LRRC75A: variants seen among roughly 807,000 people sequenced by gnomAD.
LRRC75A encodes the protein leucine rich repeat containing 75A, also known as leucine-rich repeat-containing protein 75A.
LRRC75A carries 12 observed loss-of-function variants against 26.0 expected under a neutral mutation model. The ratio of observed to expected loss-of-function variants is 0.46; its 90% confidence interval spans 0.30 to 0.75. LRRC75A has a LOEUF of 0.75. Among genes scored for constraint, LRRC75A ranks in the 30% least tolerant of loss-of-function variants. LRRC75A has a pLI of 0.08. For synonymous variants in LRRC75A, 223 were observed against 219.3 expected, an observed-to-expected ratio of 1.02 and a Z score of -0.15; for missense variants, 410 against 486.6, an observed-to-expected ratio of 0.84 and a Z score of 1.48.
chr17:16,485,040 A>C (rs1304399295), intron 1 of LRRC75A, among the ~76,000 whole-genome samples: 2 of 149,742 alleles, frequency 1.3e-5, no homozygotes, highest in Non-Finnish European at 3.0e-5. Flanking sequence ...GGGGGTAGGG[A>C]GGAGAGCAGG....
At chr17:16,477,028 G>T (rs536507554) in intron 1 of LRRC75A, among the ~76,000 whole-genome samples, 1 of 152,148 alleles carries the variant, frequency 6.6e-6, no homozygotes, top group African/African-American at 2.4e-5. Flanking sequence ...GTGAGCCACT[G>T]CGCCCGGCCA....
In LRRC75A at chr17:16,462,687, G is replaced by GCCTCCTGC. The variant is rs2093737300; in HGVS notation, c.247-302_247-301insGCAGGAGG. ...TCTCTCTGGTTTTCCAGAGGAGGAA[G>GCCTCCTGC]CCAAGGGTGGCCTGCCTCGGTGCAA... On this transcript the variant is annotated intron_variant, in intron 1 of 3. Coordinates refer to ENST00000470794, the MANE Select transcript of LRRC75A (RefSeq NM_001113567.3). This position sits in a 1 kb window ranked among gnomAD's most constrained non-coding sequence, Gnocchi z 4.6. The GCCTCCTGC allele has an allele frequency of 2.9e-6, 1 of 350,430 alleles. No individual in the cohort carries two copies. The highest frequency in any genetic ancestry group is 2.1e-5 in the African/African-American group (1 of 47,670). The allele number at this position is 350,430 out of a possible 1,614,324, so 21.7% of individuals were successfully genotyped here.
chr17:16,457,110 A>G (rs1291420744), intron 2 of LRRC75A, among the ~76,000 whole-genome samples: 4 of 122,364 alleles, frequency 3.3e-5, no homozygotes, highest in South Asian at 4.8e-4. Context: ...GCTCTCAGCC[A>G]TCAGGCAGTG....
chr17:16,467,032 C>A (rs1601172472), intron 1 of LRRC75A, among the ~76,000 whole-genome samples: 1 of 152,196 alleles, frequency 6.6e-6, no homozygotes, highest in African/African-American at 2.4e-5. Context: ...TAGCCGTCTT[C>A]TAGAAAGTGA....
intron 2 of LRRC75A, among the ~76,000 whole-genome samples, chr17:16,451,234 C>A (rs962585608): frequency 5.3e-5 from 8 of 152,108 alleles, no homozygotes; most frequent in Admixed American, 4.6e-4. Flanking sequence ...GTTAGACCCC[C>A]ACCCAGAGGC....
intron 1 of LRRC75A, among the ~76,000 whole-genome samples, chr17:16,464,720 C>T (rs1427156722): frequency 1.3e-5 from 2 of 152,238 alleles, no homozygotes; most frequent in Non-Finnish European, 2.9e-5. Context: ...GACCTGAGCA[C>T]ACAGAGTCCA....
intron 3 of LRRC75A, among the ~76,000 whole-genome samples, chr17:16,447,537 A>G (rs751074696): frequency 2.6e-5 from 4 of 152,178 alleles, no homozygotes; most frequent in Non-Finnish European, 5.9e-5. Context: ...ACCTCAAGTG[A>G]TCCACCTGCC....
chr17:16,444,065 G>A lies in LRRC75A; in HGVS notation c.558C>T (p.Thr186=), dbSNP rs201264792. 6.7e-4 allele frequency: 1,081 copies of A among 1,613,022 alleles called. No individual in the cohort carries two copies. The highest frequency in any genetic ancestry group is 8.8e-4 in the Non-Finnish European group (1,034 of 1,179,496). The change falls in exon 4 of 4, where the codon ACC becomes ACT. Residue 186 remains threonine, a synonymous_variant. Transcript: ENST00000470794. The stretch of plus-strand genomic sequence containing the variant: ...TGGTCACCCGCTCCAGGTCTCGGGA[G>A]GTCAGTGGGATTCCCGACAGGTCCA... The part of the protein sequence containing the change: ...NTVDLSGIPL[T]SRDLERVTSY...
rs1168424778 is a variant in LRRC75A, at chr17:16,491,946, G to A, written c.45C>T (p.Ser15=). The change falls in exon 1 of 4, where the codon AGC becomes AGT. Residue 15 remains serine (S), a synonymous_variant. Coordinates refer to ENST00000470794, the MANE Select transcript of LRRC75A (RefSeq NM_001113567.3). This position sits in a 1 kb window ranked among gnomAD's most constrained non-coding sequence, Gnocchi z 5.9. ...QTKGSLAERA[S]PGAAPGPRRE... The stretch of plus-strand genomic sequence containing the variant: ...GTCGGGGGCCCGGCGCGGCGCCGGG[G>A]CTGGCTCTCTCCGCCAGGCTGCCCT... 8.1e-7 allele frequency: 1 copy of A among 1,238,148 alleles called. No homozygotes were observed. The highest frequency in any genetic ancestry group is 4.4e-5 in the Admixed American group (1 of 22,758). 76.7% of individuals were successfully genotyped at this position (1,238,148 alleles called of 1,614,324 possible).
intron 1 of LRRC75A, among the ~76,000 whole-genome samples, chr17:16,490,228 G>A (rs992876099): frequency 2.0e-5 from 3 of 152,200 alleles, no homozygotes; most frequent in African/African-American, 7.2e-5. Flanking sequence ...ATTGCAGGGT[G>A]GGGGAAACAG....
intron 1 of LRRC75A, among the ~76,000 whole-genome samples, chr17:16,475,980 C>G (rs918390211): frequency 1.3e-5 from 2 of 152,046 alleles, no homozygotes; most frequent in Non-Finnish European, 2.9e-5. Flanking sequence ...ATCATGAGGT[C>G]AGGAGATCTA....
In LRRC75A at chr17:16,473,150, T is replaced by C. The variant is rs369320628; in HGVS notation, c.247-10764A>G. ...TAGTCTGTGTGTGTGTGTGTGTGTG[T>C]GCGCGCGCGCCCCAAGAATAACTAA... is the stretch of plus-strand genomic sequence containing the variant. On this transcript the variant is annotated intron_variant, in intron 1 of 3. Transcript: ENST00000470794. Among the ~76,000 whole-genome samples the C allele has an allele frequency of 1.6e-3, 240 of 151,534 alleles. 1 individual carries two copies. Among genetic ancestry groups the C allele is most frequent in the East Asian group, 8.5e-3 (44 of 5,158 alleles).
At chr17:16,447,809 G>T in intron 3 of LRRC75A, 36 bp downstream of exon 3, 1 of 1,454,350 alleles carries the variant, frequency 6.9e-7, no homozygotes, top group Non-Finnish European at 9.3e-7. Flanking sequence ...CACACACTCA[G>T]CCTGGCATAG....
chr17:16,482,485 G>A lies in LRRC75A; in HGVS notation c.246+9260C>T, dbSNP rs2093836819. Among the ~76,000 whole-genome samples, 5 of 152,192 alleles carry A rather than the reference G, an allele frequency of 3.3e-5. No individual in the cohort carries two copies. The South Asian group carries it at 6.2e-4, about 19-fold the overall frequency. ...GGCCAAGTGGGCAGGAGAGGGACAG[G>A]CTTGAGGACCAGGGCCGCTGGGAGG... On this transcript the variant is annotated intron_variant, in intron 1 of 3. Coordinates refer to ENST00000470794, the MANE Select transcript of LRRC75A (RefSeq NM_001113567.3).
At chr17:16,482,586 G>A (rs894278587) in intron 1 of LRRC75A, among the ~76,000 whole-genome samples, 4 of 152,192 alleles carry the variant, frequency 2.6e-5, no homozygotes, top group Non-Finnish European at 5.9e-5. Flanking sequence ...TGGGCCTAGC[G>A]CCTGTGTCCA....
intron 1 of LRRC75A, among the ~76,000 whole-genome samples, chr17:16,472,189 G>A (rs1383617168): frequency 6.6e-6 from 1 of 152,112 alleles, no homozygotes; most frequent in Non-Finnish European, 1.5e-5. Flanking sequence ...CACAAGGAAG[G>A]TGGCCACTAA....
At chr17:16,476,791 T>A (rs193086847) in intron 1 of LRRC75A, among the ~76,000 whole-genome samples, 344 of 134,822 alleles carry the variant, frequency 2.6e-3, no homozygotes, top group Non-Finnish European at 3.5e-3. Context: ...CAGGCTGGAG[T>A]GCAGTAGCAC....
intron 1 of LRRC75A, among the ~76,000 whole-genome samples, chr17:16,474,819 C>T (rs974003515): frequency 6.6e-6 from 1 of 151,660 alleles, no homozygotes; most frequent in African/African-American, 2.4e-5. Context: ...TGGTGAAACC[C>T]CGTCTCTATT....
Position 16,491,877 on chromosome 17 carries a change from C to T in LRRC75A, c.114G>A (p.Gly38=). ...DFWASLLLRA[G]DKAGRAGAGM... is the part of the protein sequence containing the mutation. ...CCGCGCCCGCGCGCCCCGCCTTGTC[C>T]CCGGCGCGCAGCAGCAGCGACGCCC... The change falls in exon 1 of 4, where the codon GGG becomes GGA. Residue 38 remains glycine, a synonymous_variant. Transcript: ENST00000470794. This position sits in a 1 kb window ranked among gnomAD's most constrained non-coding sequence, Gnocchi z 5.9. 7.3e-7 allele frequency: 1 copy of T among 1,369,024 alleles called. No homozygotes were observed. The highest frequency in any genetic ancestry group is 3.3e-5 in the East Asian group (1 of 30,364). 84.8% of individuals were successfully genotyped at this position (1,369,024 alleles called of 1,614,324 possible). A position where few individuals can be genotyped will look rare whatever the true frequency, so the allele number is the denominator to read the frequency against.
Sources: allele counts gnomAD v4.1 joint callset (sites outside exome capture counted in the v4.1 genomes callset), GRCh38; gene constraint gnomAD v4.1.1; non-coding constraint Gnocchi (gnomAD v3.1); transcripts MANE v1.5; gene names NCBI Gene and HGNC (gene_info 2026-07-23, HGNC 2026-07-21).